The following ADORA2B variants were observed in gnomAD, a reference collection of about 807,000 sequenced individuals.
The protein encoded by ADORA2B is adenosine receptor A2b.
Under a neutral mutation model 20.8 loss-of-function variants are expected in ADORA2B, and 18 were observed. That is an observed-to-expected ratio of 0.87 (90% confidence interval 0.60 to 1.29). The LOEUF (loss-of-function observed/expected upper bound fraction) is 1.29. ADORA2B is among the 50% of genes most tolerant of loss of function. ADORA2B has a pLI of 0.00. For missense variants in ADORA2B, 441 were observed against 422.7 expected (o/e 1.04, Z -0.38); for synonymous variants, 179 against 178.3 (o/e 1.00, Z -0.03).
the ADORA2B span, among the ~76,000 whole-genome samples, chr17:15,862,151 C>T: frequency 6.6e-6 from 1 of 151,578 alleles, no homozygotes; most frequent in Non-Finnish European, 1.5e-5. Context: ...ATAGCTAACA[C>T]CTGGCAGCAT....
At chr17:15,907,265 T>G in the ADORA2B span, among the ~76,000 whole-genome samples, 4 of 152,130 alleles carry the variant, frequency 2.6e-5, no homozygotes, top group Non-Finnish European at 5.9e-5. Context: ...GTTTCACTCC[T>G]TTCCCACACC....
chr17:15,896,717 A>C, the ADORA2B span, among the ~76,000 whole-genome samples: 1 of 152,272 alleles, frequency 6.6e-6, no homozygotes, highest in Non-Finnish European at 1.5e-5. Context: ...TTTTGTCCCC[A>C]TACTTGTTCC....
At chr17:15,878,352 C>A in the ADORA2B span, among the ~76,000 whole-genome samples, 1 of 152,164 alleles carries the variant, frequency 6.6e-6, no homozygotes, top group Non-Finnish European at 1.5e-5. Context: ...CTGTTCCCTT[C>A]TGTGGCTCTG....
chr17:15,858,254 C>G, the ADORA2B span, among the ~76,000 whole-genome samples: 2 of 152,030 alleles, frequency 1.3e-5, no homozygotes, highest in Non-Finnish European at 2.9e-5. Flanking sequence ...TGCCTCCTCA[C>G]CAGCACTTGT....
At position 15,974,651 on chromosome 17, in the gene ADORA2B, C is replaced by T. The variant is rs760421679; in HGVS notation, c.336-28C>T. The T allele has an allele frequency of 7.5e-6, 12 of 1,594,270 alleles. No individual in the cohort carries two copies. The South Asian group carries it at 1.2e-4, about 17-fold the overall frequency. ...GTGGTTGCAGAGCGCTATAAACTGA[C>T]CGTAACAGATGGTATTCTTTTAAAC... On this transcript the variant is annotated intron_variant, in intron 1 of 1. Coordinates refer to ENST00000304222, the MANE Select transcript of ADORA2B (RefSeq NM_000676.4).
the ADORA2B span, among the ~76,000 whole-genome samples, chr17:15,855,197 C>T: frequency 5.9e-3 from 904 of 152,256 alleles, 12 homozygotes; most frequent in African/African-American, 0.02. Flanking sequence ...TCCCAAAGTG[C>T]TGGGATTACA....
intron 1 of ADORA2B, among the ~76,000 whole-genome samples, chr17:15,962,615 T>C (rs1970054901): frequency 2.0e-5 from 3 of 152,192 alleles, no homozygotes; most frequent in Admixed American, 2.0e-4. Flanking sequence ...CACCGCAACC[T>C]CTGCCTCCTA....
rs553305531 is a variant in ADORA2B, at chr17:15,945,551, C to T, written c.303C>T (p.Val101=). The T allele has an allele frequency of 5.1e-6, 8 of 1,582,208 alleles. No homozygotes were observed. Among genetic ancestry groups the T allele is most frequent in the Admixed American group, 3.5e-5 (2 of 57,676 alleles). ...TCTTCAGCCTTCTGGCCGTGGCAGT[C>T]GACAGATACCTGGCCATCTGTGTCC... ...SSIFSLLAVA[V]DRYLAICVPL... Residue 101 remains valine (V), a synonymous_variant, in exon 1 of 2, where the codon GTC becomes GTT. Transcript: ENST00000304222.
At chr17:15,911,479 C>T in the ADORA2B span, among the ~76,000 whole-genome samples, 5 of 152,192 alleles carry the variant, frequency 3.3e-5, no homozygotes, top group African/African-American at 1.2e-4. Context: ...CTAGAACCAG[C>T]TCTGCTCAAA....
chr17:15,895,143 G>A, the ADORA2B span, among the ~76,000 whole-genome samples: 55 of 152,254 alleles, frequency 3.6e-4, no homozygotes, highest in Non-Finnish European at 5.1e-4. Context: ...CACATGATTA[G>A]ATGGTCCTCA....
At chr17:15,919,832 A>G in the ADORA2B span, among the ~76,000 whole-genome samples, 1 of 152,236 alleles carries the variant, frequency 6.6e-6, no homozygotes, top group Non-Finnish European at 1.5e-5. Context: ...CACTTTCTCC[A>G]GCCACTTTTT....
At chr17:15,856,719 C>T in the ADORA2B span, among the ~76,000 whole-genome samples, 1 of 152,136 alleles carries the variant, frequency 6.6e-6, no homozygotes, top group Non-Finnish European at 1.5e-5. Flanking sequence ...TGTCTTTTAG[C>T]AAAGAGACTG....
At chr17:15,956,636 C>G (rs1020190382) in intron 1 of ADORA2B, among the ~76,000 whole-genome samples, 1 of 144,484 alleles carries the variant, frequency 6.9e-6, no homozygotes, top group Non-Finnish European at 1.5e-5. Context: ...GCTCTTACTG[C>G]CCAGGCTGGA....
chr17:15,971,530 G>C (rs1417722652), intron 1 of ADORA2B, among the ~76,000 whole-genome samples: 1 of 151,976 alleles, frequency 6.6e-6, no homozygotes. Context: ...TCTTCTGCCT[G>C]TTCAGGCTGC....
chr17:15,871,205 T>C, the ADORA2B span, among the ~76,000 whole-genome samples: 1 of 152,084 alleles, frequency 6.6e-6, no homozygotes, highest in Non-Finnish European at 1.5e-5. Context: ...TGAACAAAAA[T>C]ATCAAACAGT....
the ADORA2B span, among the ~76,000 whole-genome samples, chr17:15,876,882 A>T: frequency 6.6e-6 from 1 of 152,078 alleles, no homozygotes; most frequent in African/African-American, 2.4e-5. Context: ...ATTTTGCAAA[A>T]CTGAAACTGT....
chr17:15,937,734 G>A, the ADORA2B span, among the ~76,000 whole-genome samples: 7 of 151,858 alleles, frequency 4.6e-5, no homozygotes, highest in Admixed American at 4.6e-4. Context: ...CACCACACCT[G>A]GCTAATTTTT....
intron 1 of ADORA2B, chr17:15,974,134 GC>G (rs1970218930): frequency 6.5e-6 from 1 of 152,902 alleles, no homozygotes; most frequent in African/African-American, 2.4e-5. Context: ...CTCAGCATTT[GC>G]CCTTTTTGAA....
the ADORA2B span, among the ~76,000 whole-genome samples, chr17:15,856,066 G>T: frequency 6.6e-6 from 1 of 151,930 alleles, no homozygotes; most frequent in Non-Finnish European, 1.5e-5. Flanking sequence ...ATCTCATCTC[G>T]AATTGTAATC....
Sources: gnomAD v4.1 joint callset for allele counts (sites outside exome capture counted in the v4.1 genomes callset) on GRCh38, gnomAD v4.1.1 for gene constraint, MANE v1.5 for transcripts, NCBI Gene and HGNC (gene_info 2026-07-23, HGNC 2026-07-21) for gene names.